Variants in ADAMTSL1 observed in about 807,000 individuals in gnomAD.
ADAMTSL1 encodes the protein ADAMTS-like protein 1.
Under a neutral mutation model 201.8 loss-of-function variants are expected in ADAMTSL1, and 126 were observed. The observed-to-expected ratio is 0.62, with a 90% CI of 0.54 to 0.72. The LOEUF is 0.72. Among genes scored for constraint, ADAMTSL1 ranks in the 30% least tolerant of loss-of-function variants. ADAMTSL1 has a pLI of 0.00. For synonymous variants in ADAMTSL1, 1,121 were observed against 903.4 expected (o/e 1.24, Z -4.32); for missense variants, 2,679 against 2,277.8 (o/e 1.18, Z -3.59).
rs947080791 is a variant in ADAMTSL1 at position 18,625,063 on chromosome 9, A to T, written c.601+2694A>T. 2.0e-5 allele frequency among the ~76,000 whole-genome samples: 3 copies of T among 152,168 alleles called. No homozygotes were observed. The South Asian group carries it at 6.2e-4, about 32-fold the overall frequency. On this transcript the variant is annotated intron_variant, in intron 5 of 28. Transcript: ENST00000380548. The stretch of plus-strand genomic sequence containing the variant: ...TTCCATCTTATATTTACAGACTGTG[A>T]GGCGACCCACTGGCAGGGAACATGA...
At chr9:18,248,366 T>G (rs1263566387) in intron 2 of ADAMTSL1, among the ~76,000 whole-genome samples, 1 of 152,132 alleles carries the variant, frequency 6.6e-6, no homozygotes, top group Non-Finnish European at 1.5e-5. Flanking sequence ...GCTTCCCATA[T>G]TTGCTATTCC....
At chr9:18,528,545 T>C (rs1587468579) in intron 2 of ADAMTSL1, among the ~76,000 whole-genome samples, 1 of 152,204 alleles carries the variant, frequency 6.6e-6, no homozygotes, top group East Asian at 1.9e-4. Context: ...TCTTGTTCTT[T>C]TTTATGGCTG....
chr9:18,411,332 G>A (rs779226250), intron 2 of ADAMTSL1, among the ~76,000 whole-genome samples: 27 of 151,664 alleles, frequency 1.8e-4, no homozygotes, highest in Admixed American at 5.3e-4. Flanking sequence ...AAGTAAGAGG[G>A]GTGGGACTAC....
chr9:18,848,327 C>G (rs952229560), intron 23 of ADAMTSL1, among the ~76,000 whole-genome samples: 2 of 152,202 alleles, frequency 1.3e-5, no homozygotes, highest in African/African-American at 4.8e-5. Flanking sequence ...AGTTACTTCT[C>G]CGTCTTCTAC....
chr9:18,514,277 T>C (rs1350838211), intron 2 of ADAMTSL1, among the ~76,000 whole-genome samples: 3 of 152,034 alleles, frequency 2.0e-5, no homozygotes, highest in Non-Finnish European at 4.4e-5. Context: ...CTTAATTTCT[T>C]TTGTGGATAG....
chr9:18,675,354 A>C (rs1463405152), intron 9 of ADAMTSL1, among the ~76,000 whole-genome samples: 1 of 152,190 alleles, frequency 6.6e-6, no homozygotes, highest in Non-Finnish European at 1.5e-5. Flanking sequence ...TAGATCTGCC[A>C]AGAGAAGAAA....
chr9:17,984,455 T>C (rs1053979816), intron 1 of ADAMTSL1, among the ~76,000 whole-genome samples: 4 of 152,170 alleles, frequency 2.6e-5, no homozygotes, highest in African/African-American at 9.6e-5. Flanking sequence ...CACTTTTGTC[T>C]TATAAATTTT....
At chr9:18,337,079 G>C (rs1835271261) in intron 2 of ADAMTSL1, among the ~76,000 whole-genome samples, 1 of 152,122 alleles carries the variant, frequency 6.6e-6, no homozygotes, top group Non-Finnish European at 1.5e-5. Flanking sequence ...TGCCCAAGGA[G>C]ATTAACACTT....
chr9:18,805,815 T>C (rs10963773), intron 20 of ADAMTSL1, among the ~76,000 whole-genome samples: 40,180 of 152,086 alleles, frequency 0.26, 5,846 homozygotes, highest in African/African-American at 0.37. Context: ...GGCTTCAGGA[T>C]CTCAAACCTG....
chr9:18,475,886 A>G (rs1170066718), intron 1 of ADAMTSL1, among the ~76,000 whole-genome samples: 1 of 152,162 alleles, frequency 6.6e-6, no homozygotes, highest in East Asian at 1.9e-4. Flanking sequence ...ATTCAGGAAT[A>G]GATTGTTTTG....
chr9:18,642,702 G>A (rs1827527204), intron 7 of ADAMTSL1, among the ~76,000 whole-genome samples: 2 of 151,828 alleles, frequency 1.3e-5, no homozygotes, highest in African/African-American at 2.4e-5. Context: ...TCTGGGCCTA[G>A]CTTATTTCAT....
intron 2 of ADAMTSL1, among the ~76,000 whole-genome samples, chr9:18,382,928 G>A (rs1460623697): frequency 2.6e-5 from 4 of 152,150 alleles, no homozygotes; most frequent in East Asian, 3.8e-4. Flanking sequence ...GAGGGAACAC[G>A]TGAAAACTGC....
chr9:18,361,884 A>G (rs564763186), intron 2 of ADAMTSL1, among the ~76,000 whole-genome samples: 2 of 152,268 alleles, frequency 1.3e-5, no homozygotes, highest in South Asian at 2.1e-4. Context: ...ATTATGTGCA[A>G]TTTGGCACAA....
chr9:18,850,508 A>G (rs886298736), intron 23 of ADAMTSL1, among the ~76,000 whole-genome samples: 9 of 152,208 alleles, frequency 5.9e-5, no homozygotes, highest in African/African-American at 9.6e-5. Flanking sequence ...GATGTGATCT[A>G]TGAAGGGAGA....
At chr9:18,364,208 G>A (rs750263975) in intron 2 of ADAMTSL1, among the ~76,000 whole-genome samples, 4 of 151,998 alleles carry the variant, frequency 2.6e-5, no homozygotes, top group Non-Finnish European at 4.4e-5. Context: ...TCCTTCATAA[G>A]GCTGCAAAAC....
In ADAMTSL1 at chr9:18,131,889, G is replaced by A. The variant is rs371139844; in HGVS notation, c.88-31973G>A. Among the ~76,000 whole-genome samples the A allele has an allele frequency of 3.3e-5, 5 of 151,730 alleles. No homozygotes were observed. In the East Asian group the frequency reaches 5.9e-4, roughly 18 times the overall value. On this transcript the variant is annotated intron_variant, in intron 1 of 29. Transcript: ENST00000680146. ...AAAAAAAATGTGGTGGGCAGGGTGA[G>A]ATGAACTGATCATAGTGAGGAGGTC...
intron 2 of ADAMTSL1, among the ~76,000 whole-genome samples, chr9:18,436,252 A>T (rs1733109309): frequency 6.6e-6 from 1 of 152,108 alleles, no homozygotes; most frequent in Admixed American, 6.5e-5. Context: ...GGCTTGCTTT[A>T]GGAGGAGGTG....
At chr9:17,976,091 T>C (rs1283455104) in intron 1 of ADAMTSL1, among the ~76,000 whole-genome samples, 1 of 152,146 alleles carries the variant, frequency 6.6e-6, no homozygotes, top group Non-Finnish European at 1.5e-5. Context: ...TTGTGTCTAT[T>C]TTTATGTGAG....
In ADAMTSL1 at chr9:18,701,027, C is replaced by A. The variant is rs112567371; in HGVS notation, c.1575-5720C>A. 7.5e-3 allele frequency among the ~76,000 whole-genome samples: 1,141 copies of A among 152,226 alleles called. 9 individuals are homozygous for A. Among genetic ancestry groups the A allele is most frequent in the African/African-American group, 0.025 (1,019 of 41,526 alleles). On this transcript the variant is annotated intron_variant, in intron 13 of 28. Coordinates refer to ENST00000380548, the MANE Select transcript of ADAMTSL1 (RefSeq NM_001040272.6). ...CAAAATTGGTCTAGCTACAGGGCAA[C>A]AATCAACTGCATTCCACTAGACACA...
Sources: gnomAD v4.1 joint callset for allele counts (sites outside exome capture counted in the v4.1 genomes callset) on GRCh38, gnomAD v4.1.1 for gene constraint, MANE v1.5 for transcripts, NCBI Gene and HGNC (gene_info 2026-07-23, HGNC 2026-07-21) for gene names.